The following MYPOP variants were observed in gnomAD, a reference collection of about 807,000 sequenced individuals.
MYPOP encodes myb-related transcription factor, partner of profilin.
Under a neutral mutation model 25.7 loss-of-function variants are expected in MYPOP, and 21 were observed. The observed-to-expected ratio is 0.82, with a 90% CI of 0.58 to 1.18. The LOEUF (loss-of-function observed/expected upper bound fraction) is 1.18. Among genes scored for constraint, MYPOP ranks in the 50% most tolerant of loss-of-function variants. The pLI, the probability that MYPOP is intolerant of heterozygous loss-of-function variation, is 0.00. For synonymous variants in MYPOP, 280 were observed against 247.9 expected (o/e 1.13, Z -1.22); for missense variants, 566 against 588.3 (o/e 0.96, Z 0.39).
chr19:45,899,152 G>A (rs1001202556), intron 2 of MYPOP, among the ~76,000 whole-genome samples: 5 of 152,208 alleles, frequency 3.3e-5, no homozygotes, highest in African/African-American at 1.2e-4. Flanking sequence ...CTTGAACCTG[G>A]GAGGCGGAGG....
intron 2 of MYPOP, among the ~76,000 whole-genome samples, chr19:45,900,458 C>A (rs568525813): frequency 6.8e-6 from 1 of 146,956 alleles, no homozygotes; most frequent in African/African-American, 2.5e-5. Flanking sequence ...CACCCCCCCC[C>A]CCACCGAAAT....
At position 45,901,651 on chromosome 19, in the gene MYPOP, G is replaced by A; in HGVS notation, c.123C>T (p.Gly41=). ...EVRAHYPQLY[G]AQSRRVSVAE... is the part of the protein sequence containing the mutation. ...CCACGCTCACCCGACGGCTCTGCGC[G>A]CCGTAGAGCTGCGGGTAGTGGGCGC... is the stretch of plus-strand genomic sequence containing the variant. Residue 41 remains glycine, a synonymous_variant, in exon 2 of 3, where the codon GGC becomes GGT. Transcript: ENST00000322217. This position sits in a 1 kb window ranked among gnomAD's most constrained non-coding sequence, Gnocchi z 5.7. 6.2e-7 allele frequency: 1 copy of A among 1,610,240 alleles called. No individual in the cohort carries two copies. The highest frequency in any genetic ancestry group is 2.2e-5 in the East Asian group (1 of 44,756).
At position 45,901,665 on chromosome 19, in the gene MYPOP, G is replaced by A. The variant is rs757150787; in HGVS notation, c.109C>T (p.Pro37Ser). The change falls in exon 2 of 3, where the codon CCG (proline) becomes TCG (serine). Residue 37 changes from proline (P) to serine (S), a missense_variant. Coordinates refer to ENST00000322217, the MANE Select transcript of MYPOP (RefSeq NM_001012643.4). This position sits in a 1 kb window ranked among gnomAD's most constrained non-coding sequence, Gnocchi z 5.7. ...CGGCTCTGCGCGCCGTAGAGCTGCG[G>A]GTAGTGGGCGCGCACCTCGCGGATC... ...ILIREVRAHY[P>S]QLYGAQSRRV... 27 of 1,609,244 alleles carry A rather than the reference G, an allele frequency of 1.7e-5. No homozygotes were observed. The highest frequency in any genetic ancestry group is 2.1e-5 in the Non-Finnish European group (25 of 1,178,896).
Position 45,901,478 on chromosome 19 carries a change from T to C in MYPOP, c.296A>G (p.Gln99Arg). The stretch of plus-strand genomic sequence containing the variant: ...GTCCTCCGCGGCGGGCCCGGCGCCC[T>C]GCGTGGAGTGCGGCACGCGAGCGAG... ...EKLARVPHST[Q>R]GAGPAAEDAF... The change falls in exon 2 of 3, where the codon CAG becomes CGG. Residue 99 changes from glutamine (Q) to arginine (R), a missense_variant. Gln to Arg is a conservative substitution (Grantham distance 43, BLOSUM62 1). Coordinates refer to ENST00000322217, the MANE Select transcript of MYPOP (RefSeq NM_001012643.4). This position sits in a 1 kb window ranked among gnomAD's most constrained non-coding sequence, Gnocchi z 5.7. 2 of 1,606,052 alleles carry C rather than the reference T, an allele frequency of 1.2e-6. No homozygotes were observed. Among genetic ancestry groups the C allele is most frequent in the South Asian group, 1.1e-5 (1 of 90,300 alleles).
Position 45,890,723 on chromosome 19 carries a change from C to CGGGGGGCGGGGGGGGGCG in MYPOP, c.1099_1100insCGCCCCCCCCCGCCCCCC (p.Pro366_Arg367insProProProProAlaPro). ...CGGAGGGAGCGGGGCTGGGGGGGGC[C>CGGGGGGCGGGGGGGGGCG]GGGGTGCCCCCTCCTCGCTCCTTGG... On this transcript the variant is annotated inframe_insertion, in exon 3 of 3. Coordinates refer to ENST00000322217, the MANE Select transcript of MYPOP (RefSeq NM_001012643.4). 8.4e-7 allele frequency: 1 copy of CGGGGGGCGGGGGGGGGCG among 1,193,540 alleles called. No individual in the cohort carries two copies. Among genetic ancestry groups the CGGGGGGCGGGGGGGGGCG allele is most frequent in the Non-Finnish European group, 1.2e-6 (1 of 836,814 alleles). The allele number at this position is 1,193,540 out of a possible 1,614,324, so 73.9% of individuals were successfully genotyped here. A position where few individuals can be genotyped will look rare whatever the true frequency, so the allele number is the denominator to read the frequency against.
intron 2 of MYPOP, among the ~76,000 whole-genome samples, chr19:45,899,044 T>TG (rs1325719279): frequency 6.6e-6 from 1 of 152,056 alleles, no homozygotes; most frequent in East Asian, 1.9e-4. Flanking sequence ...CTGACCAACA[T>TG]GGAGAAACCC....
In MYPOP at chr19:45,891,097, G is replaced by T; in HGVS notation, c.726C>A (p.Ser242Arg). The change falls in exon 3 of 3, where the codon AGC (serine) becomes AGA (arginine). Residue 242 changes from serine to arginine, a missense_variant. Transcript: ENST00000322217. Reference protein sequence around the residue: ...PLAQVAPSPPSPPPPPRPPPT... With the variant: ...PLAQVAPSPPRPPPPPRPPPT... The stretch of plus-strand genomic sequence containing the variant: ...GTGGAGGCCGAGGAGGGGGTGGGGG[G>T]CTAGGGGGTGAGGGTGCCACTTGGG... 1 of 1,252,244 alleles carries T rather than the reference G, an allele frequency of 8.0e-7. No individual in the cohort carries two copies. Among genetic ancestry groups the T allele is most frequent in the Non-Finnish European group, 1.1e-6 (1 of 917,690 alleles). The allele number at this position is 1,252,244 out of a possible 1,614,324, so 77.6% of individuals were successfully genotyped here. A position where few individuals can be genotyped will look rare whatever the true frequency, so the allele number is the denominator to read the frequency against.
rs769020400 is a variant in MYPOP at position 45,891,205 on chromosome 19, C to T, written c.618G>A (p.Ser206=). 1.9e-5 allele frequency: 29 copies of T among 1,531,800 alleles called. No individual in the cohort carries two copies. In the African/African-American group the frequency reaches 1.9e-4, roughly 10 times the overall value. The allele number at this position is 1,531,800 out of a possible 1,614,324, so 94.9% of individuals were successfully genotyped here. The change falls in exon 3 of 3, where the codon TCG becomes TCA. Residue 206 remains serine (S), a synonymous_variant. Transcript: ENST00000322217. ...GAGGCAGCTGGACCGGCTGCAGGGC[C>T]GAAGGGGGTGGTGACTCACGCTCCT... ...RPKERESPPP[S]ALQPVQLPRL...
chr19:45,897,993 G>C (rs1269822703), intron 2 of MYPOP, among the ~76,000 whole-genome samples: 1 of 150,086 alleles, frequency 6.7e-6, no homozygotes, highest in Non-Finnish European at 1.5e-5. Context: ...GCACAATCTC[G>C]ACTCACTGCA....
In MYPOP at chr19:45,901,759, C is replaced by T; in HGVS notation, c.15G>A (p.Ala5=). ...GGGTGGTTTCCTCCGCTTCGCCCGC[C>T]GCCGCCGAGGCCATGGCGCCCCCCG... is the stretch of plus-strand genomic sequence containing the variant. MASA[A]AGEAEETTRL... is the part of the protein sequence containing the mutation. Residue 5 remains alanine, a synonymous_variant, in exon 2 of 3, where the codon GCG becomes GCA. Coordinates refer to ENST00000322217, the MANE Select transcript of MYPOP (RefSeq NM_001012643.4). This position sits in a 1 kb window ranked among gnomAD's most constrained non-coding sequence, Gnocchi z 5.7. The T allele has an allele frequency of 4.1e-6, 6 of 1,478,004 alleles. No homozygotes were observed. Among genetic ancestry groups the T allele is most frequent in the Non-Finnish European group, 4.5e-6 (5 of 1,116,288 alleles). The allele number at this position is 1,478,004 out of a possible 1,614,324, so 91.6% of individuals were successfully genotyped here. A position where few individuals can be genotyped will look rare whatever the true frequency, so the allele number is the denominator to read the frequency against.
chr19:45,901,256 C>A lies in MYPOP; in HGVS notation c.499+19G>T. ...GCTTGCAACAGCGCAGGCACACAGC[C>A]TACTCTGAAGACACTCACCTGCACG... On this transcript the variant is annotated intron_variant, in intron 2 of 2. Coordinates refer to ENST00000322217, the MANE Select transcript of MYPOP (RefSeq NM_001012643.4). This position sits in a 1 kb window ranked among gnomAD's most constrained non-coding sequence, Gnocchi z 5.7. 1 of 1,433,366 alleles carries A rather than the reference C, an allele frequency of 7.0e-7. No individual in the cohort carries two copies. The highest frequency in any genetic ancestry group is 1.5e-5 in the South Asian group (1 of 65,544). 88.8% of individuals were successfully genotyped at this position (1,433,366 alleles called of 1,614,324 possible). A position where few individuals can be genotyped will look rare whatever the true frequency, so the allele number is the denominator to read the frequency against.
chr19:45,893,746 A>T (rs913278827), intron 2 of MYPOP, among the ~76,000 whole-genome samples: 5 of 151,802 alleles, frequency 3.3e-5, no homozygotes, highest in African/African-American at 1.2e-4. Flanking sequence ...CATAACTCTG[A>T]ATATACTAAA....
intron 2 of MYPOP, among the ~76,000 whole-genome samples, chr19:45,894,528 C>G (rs973048227): frequency 6.6e-6 from 1 of 152,044 alleles, no homozygotes; most frequent in African/African-American, 2.4e-5. Context: ...ATCCTCCCAT[C>G]TCAGCCTCCT....
intron 2 of MYPOP, among the ~76,000 whole-genome samples, chr19:45,898,650 T>C (rs919471474): frequency 5.3e-5 from 8 of 152,074 alleles, no homozygotes; most frequent in Non-Finnish European, 1.2e-4. Context: ...TAATCGAGGA[T>C]GCTCTACGCG....
In MYPOP at chr19:45,901,747, C is replaced by T; in HGVS notation, c.27G>A (p.Ala9=). Residue 9 remains alanine, a synonymous_variant, in exon 2 of 3, where the codon GCG becomes GCA. Transcript: ENST00000322217. This position sits in a 1 kb window ranked among gnomAD's most constrained non-coding sequence, Gnocchi z 5.7. ...GCTTGCGCAACCGGGTGGTTTCCTC[C>T]GCTTCGCCCGCCGCCGCCGAGGCCA... The part of the protein sequence containing the change: MASAAAGE[A]EETTRLRKPR... 6.7e-7 allele frequency: 1 copy of T among 1,494,936 alleles called. No individual in the cohort carries two copies. Among genetic ancestry groups the T allele is most frequent in the South Asian group, 1.3e-5 (1 of 78,954 alleles). 92.6% of individuals were successfully genotyped at this position (1,494,936 alleles called of 1,614,324 possible). A position where few individuals can be genotyped will look rare whatever the true frequency, so the allele number is the denominator to read the frequency against.
chr19:45,901,853 C>G lies in MYPOP; in HGVS notation c.-52-28G>C. 1 of 1,184,068 alleles carries G rather than the reference C, an allele frequency of 8.4e-7. No homozygotes were observed. The highest frequency in any genetic ancestry group is 1.1e-6 in the Non-Finnish European group (1 of 934,502). The allele number at this position is 1,184,068 out of a possible 1,614,324, so 73.3% of individuals were successfully genotyped here. A position where few individuals can be genotyped will look rare whatever the true frequency, so the allele number is the denominator to read the frequency against. Reference sequence around the variant, plus strand: ...GCGGGCAAAGGGCGCACGGGGCTGGCTGGGGTTCGGGGTCCCCCCGCCGCC... The same window carrying G: ...GCGGGCAAAGGGCGCACGGGGCTGGGTGGGGTTCGGGGTCCCCCCGCCGCC... On this transcript the variant is annotated intron_variant, in intron 1 of 2. Transcript: ENST00000322217. The surrounding 1 kb of genome is among the most constrained non-coding windows in gnomAD (Gnocchi z 5.7).
At chr19:45,900,449 A>ACCCCCC (rs57059844) in intron 2 of MYPOP, among the ~76,000 whole-genome samples, 2 of 76,746 alleles carry the variant, frequency 2.6e-5, no homozygotes, top group Non-Finnish European at 2.6e-5. Flanking sequence ...CTCCTGGACC[A>ACCCCCC]CCCCCCCCCC....
chr19:45,891,923 T>C (rs935540289), intron 2 of MYPOP, among the ~76,000 whole-genome samples: 10 of 152,228 alleles, frequency 6.6e-5, no homozygotes, highest in African/African-American at 2.4e-4. Flanking sequence ...TTTTTTTATT[T>C]TTTTAATTTT....
At position 45,899,920 on chromosome 19, in the gene MYPOP, G is replaced by A. The variant is rs147200156; in HGVS notation, c.499+1355C>T. Reference sequence around the variant, plus strand: ...CCAAGCCACGTGTAATCTAATTCTGGCACACTCATTAACTCCTGGTCAATA... The same window carrying A: ...CCAAGCCACGTGTAATCTAATTCTGACACACTCATTAACTCCTGGTCAATA... On this transcript the variant is annotated intron_variant, in intron 2 of 2. Transcript: ENST00000322217. Among the ~76,000 whole-genome samples, 466 of 152,234 alleles carry A rather than the reference G, an allele frequency of 3.1e-3. 2 individuals are homozygous for A. Among genetic ancestry groups the A allele is most frequent in the African/African-American group, 0.01 (430 of 41,554 alleles).
Sources: allele counts gnomAD v4.1 joint callset (sites outside exome capture counted in the v4.1 genomes callset), GRCh38; gene constraint gnomAD v4.1.1; non-coding constraint Gnocchi (gnomAD v3.1); transcripts MANE v1.5; gene names NCBI Gene and HGNC (gene_info 2026-07-23, HGNC 2026-07-21).